TBC1D14: variants seen among roughly 807,000 people sequenced by gnomAD.
TBC1D14 encodes the protein TBC1 domain family, member 14.
Under a neutral mutation model 79.0 loss-of-function variants are expected in TBC1D14, and 26 were observed. That is an observed-to-expected ratio of 0.33 (90% confidence interval 0.24 to 0.46). TBC1D14 has a LOEUF of 0.46. TBC1D14 is among the 20% of genes least tolerant of loss of function. The pLI is 1.00. For synonymous variants in TBC1D14, 394 were observed against 349.9 expected, an observed-to-expected ratio of 1.13 and a Z score of -1.40; for missense variants, 769 against 887.6, an observed-to-expected ratio of 0.87 and a Z score of 1.70.
Position 7,030,478 on chromosome 4 carries a change from G to T in TBC1D14, c.*86G>T, listed in dbSNP as rs531579392. 1 of 1,360,736 alleles carries T rather than the reference G, an allele frequency of 7.3e-7. No homozygotes were observed. Among genetic ancestry groups the T allele is most frequent in the East Asian group, 2.4e-5 (1 of 42,076 alleles). The allele number at this position is 1,360,736 out of a possible 1,614,324, so 84.3% of individuals were successfully genotyped here. ...GTTTCAGACTGACACCCGGGCAGCCGAGAAGAACAGACGCTCTTTAAGTTT... is the reference window on the plus strand; with the variant it reads ...GTTTCAGACTGACACCCGGGCAGCCTAGAAGAACAGACGCTCTTTAAGTTT... On this transcript the variant is annotated 3_prime_UTR_variant, in exon 14 of 14. Coordinates refer to ENST00000409757, the MANE Select transcript of TBC1D14 (RefSeq NM_020773.3).
intron 2 of TBC1D14, among the ~76,000 whole-genome samples, chr4:6,926,682 C>A (rs1264877920): frequency 6.6e-6 from 1 of 152,166 alleles, no homozygotes; most frequent in Non-Finnish European, 1.5e-5. Flanking sequence ...ATGTAGAGTT[C>A]CTTTGAGGGG....
intron 12 of TBC1D14, among the ~76,000 whole-genome samples, chr4:7,017,867 T>G (rs1721435221): frequency 6.6e-6 from 1 of 152,188 alleles, no homozygotes; most frequent in African/African-American, 2.4e-5. Context: ...TTATTGGTGG[T>G]CCGCAGTGAT....
chr4:6,937,517 G>A (rs1712455949), intron 2 of TBC1D14, among the ~76,000 whole-genome samples: 1 of 152,198 alleles, frequency 6.6e-6, no homozygotes, highest in Non-Finnish European at 1.5e-5. Context: ...TGGGGATGGT[G>A]TGCTGGGTTG....
chr4:7,021,751 C>T lies in TBC1D14; in HGVS notation c.1758-3253C>T, dbSNP rs371208416. 6.6e-5 allele frequency among the ~76,000 whole-genome samples: 10 copies of T among 151,716 alleles called. 1 individual carries two copies. In the South Asian group the frequency reaches 2.1e-3, roughly 32 times the overall value. ...CTACAACGCAATAATATGCAGTGGT[C>T]GGAGGCAAAACGTAAACATCTTTTG... On this transcript the variant is annotated intron_variant, in intron 12 of 13. Coordinates refer to ENST00000409757, the MANE Select transcript of TBC1D14 (RefSeq NM_020773.3).
chr4:7,024,391 C>T (rs901319252), intron 12 of TBC1D14, among the ~76,000 whole-genome samples: 3 of 152,166 alleles, frequency 2.0e-5, no homozygotes, highest in African/African-American at 4.8e-5. Flanking sequence ...CCACCTGTAC[C>T]GAGCACTGTC....
chr4:6,957,598 G>A (rs1318130502), intron 2 of TBC1D14, among the ~76,000 whole-genome samples: 1 of 152,222 alleles, frequency 6.6e-6, no homozygotes, highest in African/African-American at 2.4e-5. Flanking sequence ...TTGGGCTGGT[G>A]ATTGGGCACT....
intron 1 of TBC1D14, among the ~76,000 whole-genome samples, chr4:6,915,475 T>C (rs2108900429): frequency 6.6e-6 from 1 of 152,276 alleles, no homozygotes; most frequent in East Asian, 1.9e-4. Context: ...TGACATGCCT[T>C]TGTGAGCAGC....
intron 2 of TBC1D14, among the ~76,000 whole-genome samples, chr4:6,961,669 AG>A (rs1388007981): frequency 1.3e-5 from 2 of 152,188 alleles, no homozygotes; most frequent in African/African-American, 4.8e-5. Flanking sequence ...GATTTGTGGC[AG>A]GGCTGGCGTG....
intron 2 of TBC1D14, among the ~76,000 whole-genome samples, chr4:6,952,769 A>G (rs1714160151): frequency 6.6e-6 from 1 of 152,020 alleles, no homozygotes; most frequent in South Asian, 2.1e-4. Flanking sequence ...TAGTTGACAT[A>G]ACTGAATGGC....
intron 7 of TBC1D14, among the ~76,000 whole-genome samples, chr4:7,002,219 T>G (rs1577152316): frequency 6.6e-6 from 1 of 152,354 alleles, no homozygotes; most frequent in East Asian, 1.9e-4. Context: ...GAACTCCCTC[T>G]TGGCTAAATC....
At chr4:6,970,193 T>C (rs1338986229) in intron 3 of TBC1D14, among the ~76,000 whole-genome samples, 2 of 152,252 alleles carry the variant, frequency 1.3e-5, no homozygotes, top group African/African-American at 4.8e-5. Flanking sequence ...GGAAGTTTTC[T>C]TATTACTTGA....
At chr4:6,914,539 A>G (rs1329321666) in intron 1 of TBC1D14, among the ~76,000 whole-genome samples, 6 of 152,210 alleles carry the variant, frequency 3.9e-5, no homozygotes, top group Admixed American at 3.9e-4. Flanking sequence ...CTAGCCCGGC[A>G]CAGCTCTGTT....
intron 3 of TBC1D14, among the ~76,000 whole-genome samples, chr4:6,982,637 A>G (rs1717482037): frequency 6.6e-6 from 1 of 152,220 alleles, no homozygotes; most frequent in Admixed American, 6.5e-5. Context: ...TTGACCCAGC[A>G]TTTCCACTTC....
intron 2 of TBC1D14, among the ~76,000 whole-genome samples, chr4:6,965,057 T>A (rs2109042464): frequency 6.6e-6 from 1 of 152,364 alleles, no homozygotes; most frequent in East Asian, 1.9e-4. Context: ...CATTCCCTTA[T>A]GTAACCACAG....
At chr4:7,016,651 C>T (rs912184846) in intron 12 of TBC1D14, among the ~76,000 whole-genome samples, 3 of 152,234 alleles carry the variant, frequency 2.0e-5, no homozygotes, top group Admixed American at 6.5e-5. Flanking sequence ...TTAACACGTA[C>T]GTATGCTGGG....
chr4:6,912,527 G>A (rs1723086166), intron 1 of TBC1D14, among the ~76,000 whole-genome samples: 1 of 152,198 alleles, frequency 6.6e-6, no homozygotes, highest in South Asian at 2.1e-4. Flanking sequence ...TGGGGAAGTT[G>A]AGGCCCAGAG....
At chr4:6,934,979 C>G (rs1712168410) in intron 2 of TBC1D14, among the ~76,000 whole-genome samples, 2 of 152,142 alleles carry the variant, frequency 1.3e-5, no homozygotes, top group Non-Finnish European at 2.9e-5. Context: ...ACTTGGGAGG[C>G]TGAGGTGGGA....
At chr4:7,028,067 CACACCT>C (rs1722640450) in intron 13 of TBC1D14, among the ~76,000 whole-genome samples, 1 of 148,876 alleles carries the variant, frequency 6.7e-6, no homozygotes, top group Non-Finnish European at 1.5e-5. Flanking sequence ...TACCCACACA[CACACCT>C]ACAGATCACC....
chr4:6,988,894 T>TTC (rs1718181519), intron 3 of TBC1D14, among the ~76,000 whole-genome samples: 2 of 137,796 alleles, frequency 1.5e-5, no homozygotes, highest in Admixed American at 1.4e-4. Flanking sequence ...TCTTTTTTTT[T>TTC]TTTTTTTTTT....
Sources: allele counts gnomAD v4.1 joint callset (sites outside exome capture counted in the v4.1 genomes callset), GRCh38; gene constraint gnomAD v4.1.1; transcripts MANE v1.5; gene names NCBI Gene and HGNC (gene_info 2026-07-23, HGNC 2026-07-21).